JAKMIP2: variants seen among roughly 807,000 people sequenced by gnomAD.
JAKMIP2 encodes janus kinase and microtubule interacting protein 2.
JAKMIP2 carries 25 observed loss-of-function variants against 115.0 expected under a neutral mutation model. The observed-to-expected ratio is 0.22, with a 90% CI of 0.16 to 0.30. JAKMIP2 has a LOEUF of 0.30. Ranked by LOEUF, JAKMIP2 falls within the 10% of genes least tolerant of loss-of-function variation. JAKMIP2 has a pLI of 1.00. For missense variants in JAKMIP2, 642 were observed against 957.6 expected (o/e 0.67, Z 4.35); for synonymous variants, 334 against 343.6 (o/e 0.97, Z 0.31).
rs145041015 is a variant in JAKMIP2 at position 147,663,270 on chromosome 5, G to A, written c.130-1825C>T. Reference sequence around the variant, plus strand: ...TGTTTGTGAGGGTGTTGCTAAAGGAGATTAACATTTGAGTCAGTGGACTGG... The same window carrying A: ...TGTTTGTGAGGGTGTTGCTAAAGGAAATTAACATTTGAGTCAGTGGACTGG... On this transcript the variant is annotated intron_variant, in intron 2 of 21. Coordinates refer to ENST00000616793, the MANE Select transcript of JAKMIP2 (RefSeq NM_001270941.2). 7.0e-3 allele frequency among the ~76,000 whole-genome samples: 1,066 copies of A among 152,242 alleles called. 49 individuals are homozygous for A. The East Asian group carries it at 0.13, about 18-fold the overall frequency.
chr5:147,684,744 C>T (rs6886192), intron 1 of JAKMIP2, among the ~76,000 whole-genome samples: 45,036 of 151,920 alleles, frequency 0.3, 7,793 homozygotes, highest in African/African-American at 0.48. Flanking sequence ...GAGGCACGCT[C>T]TATTTTTTTT....
At chr5:147,679,421 C>A (rs1337428783) in intron 1 of JAKMIP2, among the ~76,000 whole-genome samples, 1 of 152,188 alleles carries the variant, frequency 6.6e-6, no homozygotes, top group African/African-American at 2.4e-5. Context: ...AAAAAGTGTA[C>A]CATTCCTACC....
At position 147,587,436 on chromosome 5, in the gene JAKMIP2, GTGTGTT is replaced by G. The variant is rs1463603340; in HGVS notation, c.*4265_*4270del. 4 of 146,486 alleles carry G rather than the reference GTGTGTT, an allele frequency of 2.7e-5. No individual in the cohort carries two copies. The highest frequency in any genetic ancestry group is 2.1e-4 in the South Asian group (1 of 4,770). The allele number at this position is 146,486 out of a possible 1,614,324, so 9.1% of individuals were successfully genotyped here. A position where few individuals can be genotyped will look rare whatever the true frequency, so the allele number is the denominator to read the frequency against. On this transcript the variant is annotated 3_prime_UTR_variant, in exon 22 of 22. Coordinates refer to ENST00000616793, the MANE Select transcript of JAKMIP2 (RefSeq NM_001270941.2). Reference sequence around the variant, plus strand: ...GCTCTGTGTGTGTGTGTGTGTGTGTGTGTGTTTGTGTGTGTATTCTGTGCCACTCTT... The same window carrying G: ...GCTCTGTGTGTGTGTGTGTGTGTGTGTGTGTGTGTATTCTGTGCCACTCTT...
At chr5:147,669,371 C>T (rs1759465236) in intron 2 of JAKMIP2, among the ~76,000 whole-genome samples, 1 of 152,136 alleles carries the variant, frequency 6.6e-6, no homozygotes. Flanking sequence ...ATTTAAGAGG[C>T]TGGCTGCCAG....
rs539603811 is a variant in JAKMIP2 at position 147,637,000 on chromosome 5, C to T, written c.1579G>A (p.Glu527Lys). The T allele has an allele frequency of 1.3e-6, 1 of 785,098 alleles. No individual in the cohort carries two copies. Among genetic ancestry groups the T allele is most frequent in the Admixed American group, 1.8e-5 (1 of 56,216 alleles). The allele number at this position is 785,098 out of a possible 1,614,324, so 48.6% of individuals were successfully genotyped here. A position where few individuals can be genotyped will look rare whatever the true frequency, so the allele number is the denominator to read the frequency against. ...TGAGCCAGAGTCGCTTCCAGGTCTT[C>T]AATTTTGGCTTTATACCTTAGCACC... Reference protein sequence around the residue: ...AEVLRYKAKIEDLEATLAQKG... With the variant: ...AEVLRYKAKIKDLEATLAQKG... Residue 527 changes from glutamate (E) to lysine (K), a missense_variant, in exon 11 of 22, where the codon GAA becomes AAA. Physicochemically the swap from Glu to Lys is moderately conservative, Grantham distance 56 (BLOSUM62 1). Coordinates refer to ENST00000616793, the MANE Select transcript of JAKMIP2 (RefSeq NM_001270941.2).
chr5:147,641,580 ATGCCCATGGTT>A, intron 8 of JAKMIP2, 117 bp downstream of exon 8: 1 of 615,038 alleles, frequency 1.6e-6, no homozygotes, highest in Non-Finnish European at 2.9e-6. Flanking sequence ...CTAGCAAATA[ATGCCCATGGTT>A]TGCTGCAACA....
intron 16 of JAKMIP2, among the ~76,000 whole-genome samples, chr5:147,624,382 G>A (rs185109302): frequency 1.6e-4 from 24 of 152,306 alleles, no homozygotes; most frequent in African/African-American, 5.3e-4. Flanking sequence ...AAAAAATGAA[G>A]AGGAAGTTCC....
In JAKMIP2 at chr5:147,776,846, T is replaced by A. The variant is rs968232140; in HGVS notation, c.-149+5610A>T. On this transcript the variant is annotated intron_variant, in intron 1 of 21. Transcript: ENST00000616793. Reference sequence around the variant, plus strand: ...AGGAGACTAAGGCACAAGAATCACTTGAATCCAGCAGGGGGAGGTTGCAGT... The same window carrying A: ...AGGAGACTAAGGCACAAGAATCACTAGAATCCAGCAGGGGGAGGTTGCAGT... 1.3e-5 allele frequency among the ~76,000 whole-genome samples: 2 copies of A among 152,104 alleles called. 1 individual carries two copies. Among genetic ancestry groups the A allele is most frequent in the Non-Finnish European group, 2.9e-5 (2 of 68,010 alleles).
chr5:147,625,830 A>T (rs569949317), intron 16 of JAKMIP2, among the ~76,000 whole-genome samples: 1 of 152,328 alleles, frequency 6.6e-6, no homozygotes, highest in Non-Finnish European at 1.5e-5. Context: ...CCATGTATCC[A>T]TGTAATAAAA....
At chr5:147,657,794 T>C (rs1758754420) in intron 3 of JAKMIP2, among the ~76,000 whole-genome samples, 1 of 151,904 alleles carries the variant, frequency 6.6e-6, no homozygotes, top group South Asian at 2.1e-4. Context: ...TTGGTCGATT[T>C]GGCTATCGAT....
chr5:147,627,182 A>G (rs546203781), intron 16 of JAKMIP2, among the ~76,000 whole-genome samples: 4 of 152,276 alleles, frequency 2.6e-5, no homozygotes, highest in Admixed American at 6.5e-5. Context: ...GCAAATGGAC[A>G]GTGTAATGCA....
chr5:147,722,415 G>A (rs1753350302), intron 1 of JAKMIP2, among the ~76,000 whole-genome samples: 1 of 152,080 alleles, frequency 6.6e-6, no homozygotes, highest in Admixed American at 6.5e-5. Context: ...CTTTGCACGT[G>A]TGAGGTACCT....
intron 1 of JAKMIP2, among the ~76,000 whole-genome samples, chr5:147,702,316 G>C (rs191859880): frequency 3.1e-5 from 4 of 127,724 alleles, no homozygotes; most frequent in Non-Finnish European, 4.9e-5. Context: ...AGGGTGGAAG[G>C]GGGGGTGACG....
intron 1 of JAKMIP2, among the ~76,000 whole-genome samples, chr5:147,745,864 A>G (rs2127006840): frequency 6.6e-6 from 1 of 152,288 alleles, no homozygotes; most frequent in Middle Eastern, 3.4e-3. Context: ...CAGATTCTTC[A>G]TCCATAAAAT....
At chr5:147,706,954 AT>A (rs1358595660) in intron 1 of JAKMIP2, among the ~76,000 whole-genome samples, 1 of 152,190 alleles carries the variant, frequency 6.6e-6, no homozygotes, top group African/African-American at 2.4e-5. Flanking sequence ...TGAAATTAGT[AT>A]TTAGTTCTTT....
At chr5:147,636,657 G>T (rs1475306365) in intron 11 of JAKMIP2, among the ~76,000 whole-genome samples, 12 of 152,190 alleles carry the variant, frequency 7.9e-5, no homozygotes, top group Non-Finnish European at 2.9e-5. Flanking sequence ...TAGAGGCAAA[G>T]AACGCAGCTG....
chr5:147,626,232 T>A (rs563634939), intron 16 of JAKMIP2, among the ~76,000 whole-genome samples: 4 of 152,352 alleles, frequency 2.6e-5, no homozygotes, highest in African/African-American at 9.6e-5. Flanking sequence ...GAACAGACCA[T>A]GAGCACTTTA....
intron 20 of JAKMIP2, among the ~76,000 whole-genome samples, chr5:147,604,455 T>G (rs1373006049): frequency 6.6e-6 from 1 of 152,140 alleles, no homozygotes; most frequent in Non-Finnish European, 1.5e-5. Context: ...AGTTATTTAC[T>G]TAAGGTCAAA....
intron 1 of JAKMIP2, among the ~76,000 whole-genome samples, chr5:147,718,432 C>T (rs1561556589): frequency 1.3e-5 from 2 of 152,014 alleles, no homozygotes; most frequent in African/African-American, 4.8e-5. Context: ...GTACCAGTTC[C>T]TCCTTGTACC....
Sources: allele counts gnomAD v4.1 joint callset (sites outside exome capture counted in the v4.1 genomes callset), GRCh38; gene constraint gnomAD v4.1.1; transcripts MANE v1.5; gene names NCBI Gene and HGNC (gene_info 2026-07-23, HGNC 2026-07-21).